Variants in CELF2 observed in about 807,000 individuals in gnomAD.
The protein encoded by CELF2 is CUGBP Elav-like family member 2, also known as CUG triplet repeat RNA-binding protein 2.
In CELF2, 8 loss-of-function variants were observed where a neutral mutation model predicts 62.6. The observed-to-expected ratio is 0.13, with a 90% CI of 0.07 to 0.23. The LOEUF (loss-of-function observed/expected upper bound fraction) is 0.23. Among genes scored for constraint, CELF2 ranks in the 10% least tolerant of loss-of-function variants. CELF2 has a pLI of 1.00. For missense variants in CELF2, 333 were observed against 671.0 expected (o/e 0.50, Z 5.56); for synonymous variants, 258 against 250.0 (o/e 1.03, Z -0.30).
chr10:11,066,396 G>C (rs143262978), intron 1 of CELF2, among the ~76,000 whole-genome samples: 1 of 152,060 alleles, frequency 6.6e-6, no homozygotes, highest in East Asian at 1.9e-4. Context: ...ACTTCAAACA[G>C]TACATGTCAT....
chr10:10,464,800 A>G, the CELF2 span, among the ~76,000 whole-genome samples: 26 of 152,192 alleles, frequency 1.7e-4, no homozygotes, highest in African/African-American at 6.3e-4. Context: ...CCCCATTAAC[A>G]AAACATTGAA....
rs753208265 is a variant in CELF2 at position 11,009,317 on chromosome 10, T to TTG, written c.53+3896_53+3897dup. 9.3e-3 allele frequency among the ~76,000 whole-genome samples: 1,239 copies of TTG among 133,818 alleles called. 7 individuals are homozygous for TTG. Among genetic ancestry groups the TTG allele is most frequent in the Middle Eastern group, 0.032 (9 of 278 alleles). 87.8% of individuals were successfully genotyped at this position (133,818 alleles called of 152,430 possible). The stretch of plus-strand genomic sequence containing the variant: ...CACAGAGATCGGACTAAGATGGAAG[T>TTG]TGTGTGTGTGTGTGTGTGTGCGCGT... On this transcript the variant is annotated intron_variant, in intron 1 of 12. Transcript: ENST00000416382.
chr10:10,932,277 G>A (rs115394345), intron 2 of CELF2, among the ~76,000 whole-genome samples: 24 of 152,292 alleles, frequency 1.6e-4, no homozygotes, highest in African/African-American at 5.8e-4. Flanking sequence ...GTGGGGAGAT[G>A]TTGGTCAAAA....
Position 11,075,457 on chromosome 10 carries a change from A to G in CELF2, c.74+57294A>G, listed in dbSNP as rs901325963. 2 of 152,188 alleles carry G rather than the reference A, an allele frequency of 1.3e-5. No individual in the cohort carries two copies. Among genetic ancestry groups the G allele is most frequent in the Non-Finnish European group, 2.9e-5 (2 of 68,046 alleles). The allele number at this position is 152,188 out of a possible 1,614,324, so 9.4% of individuals were successfully genotyped here. ...GCAGTCCTGGTATACAGATACATGTACGATGTGATAAAGTTTGTGAGATGG... is the reference window on the plus strand; with the variant it reads ...GCAGTCCTGGTATACAGATACATGTGCGATGTGATAAAGTTTGTGAGATGG... On this transcript the variant is annotated intron_variant, in intron 1 of 12. Coordinates refer to ENST00000633077, the MANE Select transcript of CELF2 (RefSeq NM_001326342.2). The surrounding 1 kb of genome is among the most constrained non-coding windows in gnomAD (Gnocchi z 5.4).
chr10:10,850,986 A>G (rs189525800), intron 1 of CELF2, among the ~76,000 whole-genome samples: 91 of 152,032 alleles, frequency 6.0e-4, no homozygotes, highest in African/African-American at 2.0e-3. Context: ...TTGTATTTTT[A>G]GTAGAGACGG....
chr10:11,116,249 C>T (rs1358595179), intron 1 of CELF2, among the ~76,000 whole-genome samples: 2 of 152,296 alleles, frequency 1.3e-5, no homozygotes, highest in Non-Finnish European at 1.5e-5. Context: ...ATGGCCAAGA[C>T]TTAACTGCAG....
At chr10:10,847,568 A>C (rs1170153245) in intron 1 of CELF2, among the ~76,000 whole-genome samples, 1 of 152,212 alleles carries the variant, frequency 6.6e-6, no homozygotes, top group Non-Finnish European at 1.5e-5. Flanking sequence ...ATGTCCTCCC[A>C]AGAGGAAGGG....
the CELF2 span, among the ~76,000 whole-genome samples, chr10:10,635,231 C>A: frequency 6.6e-6 from 1 of 152,140 alleles, no homozygotes; most frequent in African/African-American, 2.4e-5. Flanking sequence ...AAGAAATTAG[C>A]TCTTTAATTC....
chr10:11,176,650 C>A (rs760049898), intron 2 of CELF2, among the ~76,000 whole-genome samples: 5 of 152,162 alleles, frequency 3.3e-5, no homozygotes, highest in Admixed American at 6.5e-5. Flanking sequence ...TGAATAAAGG[C>A]TGCTAGGTAG....
At chr10:10,579,564 T>C in the CELF2 span, among the ~76,000 whole-genome samples, 1 of 152,162 alleles carries the variant, frequency 6.6e-6, no homozygotes, top group African/African-American at 2.4e-5. Flanking sequence ...GATACAGATG[T>C]ATAAATACAT....
At chr10:11,249,378 C>G (rs936752042) in intron 4 of CELF2, among the ~76,000 whole-genome samples, 177 bp downstream of exon 4, 1 of 152,214 alleles carries the variant, frequency 6.6e-6, no homozygotes, top group African/African-American at 2.4e-5. Flanking sequence ...CCACTCTCCT[C>G]TCTCCTGTCC....
chr10:11,290,479 A>T lies in CELF2; in HGVS notation c.976+1927A>T, dbSNP rs1281436545. ...CTTCTTAAAATGTGGGCTACTGGAG[A>T]TCATGCCACTGCACTCCAGCCTGGG... On this transcript the variant is annotated intron_variant, in intron 9 of 12. Transcript: ENST00000633077. This position sits in a 1 kb window ranked among gnomAD's most constrained non-coding sequence, Gnocchi z 4.3. 6.6e-6 allele frequency among the ~76,000 whole-genome samples: 1 copy of T among 151,172 alleles called. No homozygotes were observed. Among genetic ancestry groups the T allele is most frequent in the Non-Finnish European group, 1.5e-5 (1 of 67,878 alleles).
At chr10:10,697,444 G>C in the CELF2 span, among the ~76,000 whole-genome samples, 6 of 152,198 alleles carry the variant, frequency 3.9e-5, no homozygotes, top group African/African-American at 1.4e-4. Flanking sequence ...ACGGAGACCA[G>C]TCTGTGGGCA....
At chr10:10,979,672 C>CAAAAAAAAAAAAAA (rs35482385) in intron 2 of CELF2, among the ~76,000 whole-genome samples, 4 of 68,968 alleles carry the variant, frequency 5.8e-5, no homozygotes, top group African/African-American at 1.4e-4. Flanking sequence ...CCTTGTCTCT[C>CAAAAAAAAAAAAAA]AAAAAAAAAA....
the CELF2 span, among the ~76,000 whole-genome samples, chr10:10,728,792 A>C: frequency 6.6e-6 from 1 of 152,204 alleles, no homozygotes; most frequent in African/African-American, 2.4e-5. Context: ...AACATCCTAA[A>C]GGTAGATTTC....
the CELF2 span, among the ~76,000 whole-genome samples, chr10:10,736,287 C>T: frequency 6.6e-6 from 1 of 151,944 alleles, no homozygotes; most frequent in Non-Finnish European, 1.5e-5. Flanking sequence ...CACTCTCTAG[C>T]TTAGGTGTTT....
chr10:11,123,711 G>A lies in CELF2; in HGVS notation c.75-41775G>A, dbSNP rs12412223. Among the ~76,000 whole-genome samples the A allele has an allele frequency of 6.3e-3, 963 of 152,286 alleles. 31 individuals carry two copies. Among genetic ancestry groups the A allele is most frequent in the Admixed American group, 0.044 (673 of 15,294 alleles). Reference sequence around the variant, plus strand: ...TGCTACCCCCATCCTGCTGCGCAGTGGCCATTACTTCTCTAGTGATGAGCA... The same window carrying A: ...TGCTACCCCCATCCTGCTGCGCAGTAGCCATTACTTCTCTAGTGATGAGCA... On this transcript the variant is annotated intron_variant, in intron 1 of 12. Transcript: ENST00000633077.
intron 1 of CELF2, among the ~76,000 whole-genome samples, chr10:10,880,302 A>T (rs1479288293): frequency 1.3e-5 from 2 of 152,130 alleles, no homozygotes; most frequent in African/African-American, 4.8e-5. Flanking sequence ...GCCTGCTGTT[A>T]AGGGGGCCCA....
the CELF2 span, among the ~76,000 whole-genome samples, chr10:10,675,884 G>T: frequency 6.6e-6 from 1 of 152,068 alleles, no homozygotes; most frequent in Non-Finnish European, 1.5e-5. Flanking sequence ...TTCTTACATA[G>T]ATTGCTTAGC....
Sources: gnomAD v4.1 joint callset for allele counts (sites outside exome capture counted in the v4.1 genomes callset) on GRCh38, gnomAD v4.1.1 for gene constraint, Gnocchi (gnomAD v3.1) non-coding constraint, MANE v1.5 for transcripts, NCBI Gene and HGNC (gene_info 2026-07-23, HGNC 2026-07-21) for gene names.